PRORP: variants seen among roughly 807,000 people sequenced by gnomAD.
The protein encoded by PRORP is mitochondrial ribonuclease P catalytic subunit.
In PRORP, 51 loss-of-function variants were observed where a neutral mutation model predicts 59.4. That is an observed-to-expected ratio of 0.86 (90% CI 0.69 to 1.08). The LOEUF (loss-of-function observed/expected upper bound fraction) is 1.08. Ranked by LOEUF, PRORP falls within the 50% of genes least tolerant of loss-of-function variation. The probability of loss-of-function intolerance (pLI) is 0.00; values close to 1 mark genes in which losing one functional copy is unlikely to be tolerated. For missense variants in PRORP, 646 were observed against 690.3 expected (o/e 0.94, Z 0.72); for synonymous variants, 231 against 245.6 (o/e 0.94, Z 0.55).
chr14:35,256,088 A>G (rs1370819208), intron 5 of PRORP, among the ~76,000 whole-genome samples: 6 of 151,682 alleles, frequency 4.0e-5, no homozygotes, highest in Admixed American at 6.6e-5. Flanking sequence ...GTTTGAGACC[A>G]GCCTGGCCAA....
At chr14:35,262,236 T>C (rs1263611179) in intron 5 of PRORP, among the ~76,000 whole-genome samples, 1 of 152,062 alleles carries the variant, frequency 6.6e-6, no homozygotes, top group Non-Finnish European at 1.5e-5. Flanking sequence ...GGTCCCGAAC[T>C]CCTGGCCTCA....
rs200343263 is a variant in PRORP, at chr14:35,124,005, G to C, written c.760G>C (p.Ala254Pro). Residue 254 changes from alanine to proline, a missense_variant, in exon 2 of 8, where the codon GCT becomes CCT. By Grantham distance (27) the Ala-to-Pro change is conservative. Transcript: ENST00000534898. ...KKNYNDCIQG[A>P]LLHQDVNTAW... ...GAACTATAATGACTGTATCCAGGGA[G>C]CTCTCCTTCATCAAGATGTAAACAC... 6 of 1,613,940 alleles carry C rather than the reference G, an allele frequency of 3.7e-6. No individual in the cohort carries two copies. The highest frequency in any genetic ancestry group is 1.1e-5 in the South Asian group (1 of 91,054).
At chr14:35,147,407 A>T (rs2047638310) in intron 4 of PRORP, among the ~76,000 whole-genome samples, 2 of 152,198 alleles carry the variant, frequency 1.3e-5, no homozygotes. Flanking sequence ...CACTGGCAAG[A>T]TCATGGCTTA....
chr14:35,256,326 C>CTTTTTTTTTT (rs1178856754), intron 5 of PRORP, among the ~76,000 whole-genome samples: 1 of 82,814 alleles, frequency 1.2e-5, no homozygotes, highest in African/African-American at 5.5e-5. Flanking sequence ...TTGTGCGTAT[C>CTTTTTTTTTT]TTTTTTTTTT....
At chr14:35,273,045 G>A (rs368313789) in intron 7 of PRORP, among the ~76,000 whole-genome samples, 29 of 151,806 alleles carry the variant, frequency 1.9e-4, no homozygotes, top group East Asian at 7.7e-4. Flanking sequence ...TTGTTGTTTT[G>A]TTTTGTTTCG....
intron 5 of PRORP, among the ~76,000 whole-genome samples, chr14:35,188,581 G>A (rs11851831): frequency 0.058 from 8,820 of 151,396 alleles, 413 homozygotes; most frequent in African/African-American, 0.13. Flanking sequence ...TTCTCTTTTC[G>A]GTGTTTTGAT....
intron 4 of PRORP, among the ~76,000 whole-genome samples, chr14:35,171,699 A>T (rs1388568219): frequency 6.6e-6 from 1 of 151,994 alleles, no homozygotes; most frequent in Non-Finnish European, 1.5e-5. Flanking sequence ...TATTTCATCA[A>T]ATTTGGGGAT....
intron 5 of PRORP, among the ~76,000 whole-genome samples, chr14:35,190,838 A>G (rs949417492): frequency 6.6e-6 from 1 of 152,198 alleles, no homozygotes; most frequent in Admixed American, 6.5e-5. Context: ...GGACCCTTAC[A>G]TACTACTTGA....
chr14:35,181,090 G>T (rs764519510), intron 5 of PRORP, among the ~76,000 whole-genome samples: 1 of 152,004 alleles, frequency 6.6e-6, no homozygotes, highest in Non-Finnish European at 1.5e-5. Context: ...CTTTGGGGTC[G>T]CTCTGTCATT....
chr14:35,253,639 A>T (rs2050674713), intron 5 of PRORP, among the ~76,000 whole-genome samples: 1 of 152,090 alleles, frequency 6.6e-6, no homozygotes, highest in South Asian at 2.1e-4. Flanking sequence ...CTGAAATCTC[A>T]GTCCTGCCCC....
At chr14:35,223,903 T>TTG (rs2049863447) in intron 5 of PRORP, among the ~76,000 whole-genome samples, 1 of 152,238 alleles carries the variant, frequency 6.6e-6, no homozygotes, top group African/African-American at 2.4e-5. Context: ...TTAGGTATCA[T>TTG]ACCAGCACCT....
intron 5 of PRORP, among the ~76,000 whole-genome samples, chr14:35,184,727 A>G (rs925799686): frequency 1.3e-5 from 2 of 152,056 alleles, no homozygotes; most frequent in Admixed American, 6.6e-5. Flanking sequence ...ATTTGTGTTC[A>G]TAAGCTTTTA....
intron 4 of PRORP, among the ~76,000 whole-genome samples, chr14:35,169,145 C>T (rs1191441541): frequency 1.3e-5 from 2 of 151,516 alleles, no homozygotes; most frequent in African/African-American, 4.8e-5. Flanking sequence ...TACTAGTATA[C>T]TGCATCCCAT....
At chr14:35,131,710 G>C (rs1315583034) in intron 4 of PRORP, among the ~76,000 whole-genome samples, 2 of 151,492 alleles carry the variant, frequency 1.3e-5, no homozygotes, top group Non-Finnish European at 2.9e-5. Flanking sequence ...TATATTTTTA[G>C]TAGAGACAGG....
intron 4 of PRORP, among the ~76,000 whole-genome samples, chr14:35,164,789 A>C (rs1045610572): frequency 6.6e-6 from 1 of 152,150 alleles, no homozygotes; most frequent in Non-Finnish European, 1.5e-5. Context: ...AAAAAGAAAA[A>C]TCCTTCATTA....
At chr14:35,257,554 C>A (rs913520816) in intron 5 of PRORP, among the ~76,000 whole-genome samples, 1 of 152,168 alleles carries the variant, frequency 6.6e-6, no homozygotes, top group Non-Finnish European at 1.5e-5. Context: ...GAATAATAAT[C>A]TATTATATGT....
At chr14:35,121,958 A>T, upstream of PRORP, 1 of 1,614,150 alleles carries the variant, frequency 6.2e-7, no homozygotes, top group Non-Finnish European at 8.5e-7. Flanking sequence ...TTTCCAGTCC[A>T]TGGCCGACTT....
At chr14:35,163,390 C>T (rs1214901370) in intron 4 of PRORP, among the ~76,000 whole-genome samples, 1 of 151,990 alleles carries the variant, frequency 6.6e-6, no homozygotes, top group Non-Finnish European at 1.5e-5. Context: ...GATCTCATGA[C>T]CTAGTAAGGT....
chr14:35,163,310 T>C (rs1220490925), intron 4 of PRORP, among the ~76,000 whole-genome samples: 1 of 152,192 alleles, frequency 6.6e-6, no homozygotes, highest in Non-Finnish European at 1.5e-5. Flanking sequence ...GTACTCTTGC[T>C]GTATTTGTTG....
Sources: gnomAD v4.1 joint callset for allele counts (sites outside exome capture counted in the v4.1 genomes callset) on GRCh38, gnomAD v4.1.1 for gene constraint, MANE v1.5 for transcripts, NCBI Gene and HGNC (gene_info 2026-07-23, HGNC 2026-07-21) for gene names.